Variants in RCAN2 observed in about 807,000 individuals in gnomAD.
The protein encoded by RCAN2 is regulator of calcineurin 2.
In RCAN2, 9 loss-of-function variants were observed where a neutral mutation model predicts 23.6. The ratio of observed to expected loss-of-function variants is 0.38; its 90% CI spans 0.23 to 0.67. The LOEUF (loss-of-function observed/expected upper bound fraction) is 0.67, where lower values mean the gene tolerates loss of function less well. Among genes scored for constraint, RCAN2 ranks in the 30% least tolerant of loss-of-function variants. The pLI is 0.51. For missense variants in RCAN2, 273 were observed against 302.3 expected, an observed-to-expected ratio of 0.90 and a Z score of 0.72; for synonymous variants, 109 against 115.7, an observed-to-expected ratio of 0.94 and a Z score of 0.37.
intron 2 of RCAN2, among the ~76,000 whole-genome samples, chr6:46,359,951 C>G (rs1764953639): frequency 6.6e-6 from 1 of 152,162 alleles, no homozygotes; most frequent in Non-Finnish European, 1.5e-5. Flanking sequence ...CTTCAAAGCC[C>G]AGGTGCTTTC....
At chr6:46,487,732 C>T (rs961829585) in intron 1 of RCAN2, among the ~76,000 whole-genome samples, 1 of 152,244 alleles carries the variant, frequency 6.6e-6, no homozygotes, top group Non-Finnish European at 1.5e-5. Flanking sequence ...CAGGACCATG[C>T]TTCCCCAACC....
chr6:46,352,362 T>C (rs2150378769), intron 2 of RCAN2, among the ~76,000 whole-genome samples: 1 of 152,330 alleles, frequency 6.6e-6, no homozygotes, highest in East Asian at 1.9e-4. Context: ...TGATGATTTG[T>C]ACCCAAATCT....
At chr6:46,251,996 T>C (rs1766742962) in intron 2 of RCAN2, among the ~76,000 whole-genome samples, 1 of 150,626 alleles carries the variant, frequency 6.6e-6, no homozygotes, top group South Asian at 2.1e-4. Flanking sequence ...ATGATAATAA[T>C]AAACAGCTGA....
intron 2 of RCAN2, among the ~76,000 whole-genome samples, chr6:46,412,856 T>C (rs370638046): frequency 6.6e-6 from 1 of 152,246 alleles, no homozygotes; most frequent in African/African-American, 2.4e-5. Flanking sequence ...GAGAGAATGA[T>C]AGCTTTTGCC....
At chr6:46,340,565 G>A (rs1328728603) in intron 2 of RCAN2, among the ~76,000 whole-genome samples, 2 of 152,112 alleles carry the variant, frequency 1.3e-5, no homozygotes, top group African/African-American at 2.4e-5. Context: ...TGTTGAAGAT[G>A]GCAGAGCCTC....
chr6:46,336,310 G>A (rs1213255388), intron 2 of RCAN2, among the ~76,000 whole-genome samples: 1 of 152,192 alleles, frequency 6.6e-6, no homozygotes, highest in East Asian at 1.9e-4. Context: ...GACTAGATGG[G>A]GTGGTTTTCA....
chr6:46,255,747 A>G (rs1010239730), intron 2 of RCAN2, among the ~76,000 whole-genome samples: 2 of 152,148 alleles, frequency 1.3e-5, no homozygotes, highest in Non-Finnish European at 2.9e-5. Context: ...AGTGACCTGG[A>G]GAGCCGCAGG....
intron 2 of RCAN2, among the ~76,000 whole-genome samples, chr6:46,343,469 G>A (rs954055401): frequency 6.7e-5 from 10 of 148,964 alleles, no homozygotes; most frequent in African/African-American, 1.2e-4. Context: ...TCCGCCTCCC[G>A]GGTTCATGCC....
At chr6:46,406,036 G>A (rs982868599) in intron 2 of RCAN2, among the ~76,000 whole-genome samples, 1 of 152,270 alleles carries the variant, frequency 6.6e-6, no homozygotes, top group African/African-American at 2.4e-5. Context: ...GCCCGGGGCA[G>A]CAGGGCCGGC....
chr6:46,223,623 G>C (rs113172082), intron 4 of RCAN2, among the ~76,000 whole-genome samples: 1 of 152,160 alleles, frequency 6.6e-6, no homozygotes, highest in South Asian at 2.1e-4. Context: ...GCAGTTAGTC[G>C]TATTAGTTTC....
chr6:46,361,713 G>C (rs1765020628), intron 2 of RCAN2, among the ~76,000 whole-genome samples: 1 of 152,132 alleles, frequency 6.6e-6, no homozygotes, highest in African/African-American at 2.4e-5. Context: ...TATTGGATTA[G>C]TTTGAATTTT....
intron 2 of RCAN2, among the ~76,000 whole-genome samples, chr6:46,402,177 AT>A (rs1266508360): frequency 6.6e-6 from 1 of 152,222 alleles, no homozygotes; most frequent in Non-Finnish European, 1.5e-5. Flanking sequence ...AAAGAGCTGG[AT>A]TCAGTTTACC....
At chr6:46,326,354 G>T (rs1460320028) in intron 2 of RCAN2, among the ~76,000 whole-genome samples, 2 of 152,174 alleles carry the variant, frequency 1.3e-5, no homozygotes, top group African/African-American at 4.8e-5. Context: ...AGATGGCAGG[G>T]TCTAACGGGC....
chr6:46,315,454 C>T (rs956853501), intron 2 of RCAN2, among the ~76,000 whole-genome samples: 1 of 152,112 alleles, frequency 6.6e-6, no homozygotes, highest in Non-Finnish European at 1.5e-5. Flanking sequence ...GAGTGAGGAG[C>T]AAGCCATGTA....
At chr6:46,431,052 T>C (rs1767185502) in intron 2 of RCAN2, among the ~76,000 whole-genome samples, 1 of 152,280 alleles carries the variant, frequency 6.6e-6, no homozygotes, top group South Asian at 2.1e-4. Flanking sequence ...TTGGAGGAAC[T>C]TTCTGCTGGA....
intron 4 of RCAN2, among the ~76,000 whole-genome samples, chr6:46,232,031 G>A (rs764831029): frequency 2.6e-5 from 4 of 152,224 alleles, no homozygotes; most frequent in Non-Finnish European, 1.5e-5. Flanking sequence ...GCATCAACAA[G>A]CATTGAATCT....
intron 2 of RCAN2, among the ~76,000 whole-genome samples, chr6:46,378,180 G>T (rs1451548483): frequency 6.6e-6 from 1 of 152,176 alleles, no homozygotes; most frequent in Non-Finnish European, 1.5e-5. Context: ...GATGCCATGG[G>T]TCTCATGATT....
intron 2 of RCAN2, among the ~76,000 whole-genome samples, chr6:46,443,385 C>T (rs971533619): frequency 1.3e-5 from 2 of 152,018 alleles, no homozygotes; most frequent in African/African-American, 2.4e-5. Flanking sequence ...ATTTTCCAAC[C>T]AGCCTTAATG....
At chr6:46,418,695 G>GTATATATATATATATATATATATATA in intron 2 of RCAN2, among the ~76,000 whole-genome samples, 1 of 121,306 alleles carries the variant, frequency 8.2e-6, no homozygotes, top group Non-Finnish European at 1.7e-5. Flanking sequence ...ATGTGTGTGT[G>GTATATATATATATATATATATATATA]TATATATATA....
Sources: gnomAD v4.1 joint callset for allele counts (sites outside exome capture counted in the v4.1 genomes callset) on GRCh38, gnomAD v4.1.1 for gene constraint, MANE v1.5 for transcripts, NCBI Gene and HGNC (gene_info 2026-07-23, HGNC 2026-07-21) for gene names.